Variants in PTPRQ observed in about 807,000 individuals in gnomAD.
PTPRQ encodes phosphatidylinositol phosphatase PTPRQ.
A neutral mutation model predicts 246.0 loss-of-function variants in PTPRQ; 199 were observed. The observed-to-expected ratio is 0.81, with a 90% CI of 0.72 to 0.91. The LOEUF (loss-of-function observed/expected upper bound fraction) is 0.91. PTPRQ is among the 40% of genes least tolerant of loss of function. The pLI is 0.00. For synonymous variants in PTPRQ, 869 were observed against 853.2 expected, an observed-to-expected ratio of 1.02 and a Z score of -0.32; for missense variants, 2,624 against 2,528.4, an observed-to-expected ratio of 1.04 and a Z score of -0.81.
At chr12:80,582,238 C>CAT (rs1378003948) in intron 25 of PTPRQ, among the ~76,000 whole-genome samples, 3 of 152,078 alleles carry the variant, frequency 2.0e-5, no homozygotes, top group Non-Finnish European at 4.4e-5. Flanking sequence ...ATATCCAAAG[C>CAT]ATATATATAG....
intron 10 of PTPRQ, 21 bp from the exon 11 acceptor site, chr12:80,494,912 C>CT: frequency 6.7e-7 from 1 of 1,498,676 alleles, no homozygotes; most frequent in South Asian, 1.3e-5. Context: ...CTTTTTTTCT[C>CT]TTTTTACTGA....
At chr12:80,625,888 T>G (rs1899184763) in intron 33 of PTPRQ, among the ~76,000 whole-genome samples, 1 of 152,086 alleles carries the variant, frequency 6.6e-6, no homozygotes, top group Non-Finnish European at 1.5e-5. Flanking sequence ...GGCACATCAG[T>G]TTATGGAAAG....
chr12:80,489,915 G>T (rs954970025), intron 9 of PTPRQ, among the ~76,000 whole-genome samples: 3 of 151,854 alleles, frequency 2.0e-5, no homozygotes, highest in Non-Finnish European at 4.4e-5. Flanking sequence ...AGACTTCTGA[G>T]ATTGATATAG....
chr12:80,535,164 A>T, intron 19 of PTPRQ, 127 bp downstream of exon 19: 1 of 912,600 alleles, frequency 1.1e-6, no homozygotes, highest in Non-Finnish European at 1.5e-6. Context: ...ATTTTATAAA[A>T]CTCCCATTGA....
rs552799677 is a variant in PTPRQ, at chr12:80,653,501, T to G, written c.6115+667T>G. Among the ~76,000 whole-genome samples, 4 of 152,332 alleles carry G rather than the reference T, an allele frequency of 2.6e-5. 1 individual carries two copies. The East Asian group carries it at 7.7e-4, about 29-fold the overall frequency. ...TATTCTGATTCAATACATTTTACAC[T>G]ATGAAATTAAAAAGTGACATTGTGA... On this transcript the variant is annotated intron_variant, in intron 38 of 44. Coordinates refer to ENST00000644991, the MANE Select transcript of PTPRQ (RefSeq NM_001145026.2).
rs576851131 is a variant in PTPRQ, at chr12:80,466,082, G to A, written c.911-2628G>A. Among the ~76,000 whole-genome samples the A allele has an allele frequency of 3.3e-5, 5 of 152,256 alleles. No homozygotes were observed. The South Asian group carries it at 1.0e-3, about 32-fold the overall frequency. On this transcript the variant is annotated intron_variant, in intron 6 of 44. Coordinates refer to ENST00000644991, the MANE Select transcript of PTPRQ (RefSeq NM_001145026.2). ...AGTCAAAATGTCCCTGTTTGCAGAC[G>A]ACATGATTGTGTATCTAGAAAACCC... is the stretch of plus-strand genomic sequence containing the variant.
intron 16 of PTPRQ, among the ~76,000 whole-genome samples, chr12:80,507,377 T>C (rs1022573033): frequency 6.6e-6 from 1 of 151,996 alleles, no homozygotes; most frequent in African/African-American, 2.4e-5. Flanking sequence ...GTAAAAGGAA[T>C]TCCTATTTCC....
At chr12:80,639,585 T>C (rs1899781630) in intron 35 of PTPRQ, among the ~76,000 whole-genome samples, 1 of 152,202 alleles carries the variant, frequency 6.6e-6, no homozygotes, top group African/African-American at 2.4e-5. Context: ...GAAGTCTTCT[T>C]CAATAATTTT....
intron 8 of PTPRQ, among the ~76,000 whole-genome samples, chr12:80,474,578 T>C (rs964932436): frequency 1.1e-4 from 16 of 152,332 alleles, no homozygotes; most frequent in Admixed American, 2.0e-4. Context: ...ATATGTCTCT[T>C]AATATTTTGA....
At chr12:80,583,879 T>C (rs1184280294) in intron 25 of PTPRQ, 2 of 152,190 alleles carry the variant, frequency 1.3e-5, no homozygotes, top group African/African-American at 4.8e-5. Context: ...GTCACAGGAT[T>C]GAGAGCCCCT....
chr12:80,619,768 A>G (rs1351494885), intron 31 of PTPRQ, among the ~76,000 whole-genome samples: 1 of 151,404 alleles, frequency 6.6e-6, no homozygotes, highest in East Asian at 1.9e-4. Flanking sequence ...ATTTATACCA[A>G]TTATTTATTC....
intron 39 of PTPRQ, among the ~76,000 whole-genome samples, chr12:80,662,334 C>CT (rs904240307): frequency 2.2e-4 from 33 of 151,940 alleles, no homozygotes; most frequent in Admixed American, 2.0e-3. Context: ...ATTTAAATTA[C>CT]TTTTTTAGCA....
At chr12:80,536,013 A>G (rs918123962) in intron 19 of PTPRQ, among the ~76,000 whole-genome samples, 1 of 152,228 alleles carries the variant, frequency 6.6e-6, no homozygotes, top group Non-Finnish European at 1.5e-5. Context: ...AGGCTGAGGC[A>G]GGAGAATGGC....
In PTPRQ at chr12:80,491,878, AAAGAC is replaced by A. The variant is rs1175950092; in HGVS notation, c.1360-1395_1360-1391del. On this transcript the variant is annotated intron_variant, in intron 9 of 44. Transcript: ENST00000644991. ...AACTCCAAAACATGTAAGATAATTAAAAGACAGATATACCAAAACTTATAAACAAC... is the reference window on the plus strand; with the variant it reads ...AACTCCAAAACATGTAAGATAATTAAAGATATACCAAAACTTATAAACAAC... Among the ~76,000 whole-genome samples the A allele has an allele frequency of 9.2e-5, 14 of 151,900 alleles. No homozygotes were observed. In the Admixed American group the frequency reaches 9.2e-4, roughly 10 times the overall value.
At chr12:80,475,744 T>A (rs982956075) in intron 8 of PTPRQ, among the ~76,000 whole-genome samples, 2 of 152,070 alleles carry the variant, frequency 1.3e-5, no homozygotes, top group Admixed American at 1.3e-4. Context: ...AATCTTTACC[T>A]GGATTGTAAT....
chr12:80,590,666 CAAA>C (rs35640802), intron 26 of PTPRQ, among the ~76,000 whole-genome samples: 3,165 of 57,894 alleles, frequency 0.055, 141 homozygotes, highest in African/African-American at 0.16. Flanking sequence ...GACTCCGTCT[CAAA>C]AAAAAAAAAA....
chr12:80,568,453 T>C (rs1263441443), intron 25 of PTPRQ, among the ~76,000 whole-genome samples: 1 of 152,200 alleles, frequency 6.6e-6, no homozygotes, highest in East Asian at 1.9e-4. Context: ...TGTTTTGCTG[T>C]TTTTTACTTC....
chr12:80,460,339 C>T (rs1356747822), intron 5 of PTPRQ, among the ~76,000 whole-genome samples: 1 of 152,146 alleles, frequency 6.6e-6, no homozygotes, highest in Non-Finnish European at 1.5e-5. Flanking sequence ...TATTTCAGCT[C>T]TTTGGCTCTT....
intron 33 of PTPRQ, 149 bp from the exon 34 acceptor site, chr12:80,632,043 G>A (rs1036534040): frequency 9.0e-7 from 1 of 1,111,388 alleles, no homozygotes; most frequent in East Asian, 2.7e-5. Flanking sequence ...AAAAATCTAG[G>A]AGAAGAGGAA....
Sources: allele counts gnomAD v4.1 joint callset (sites outside exome capture counted in the v4.1 genomes callset), GRCh38; gene constraint gnomAD v4.1.1; transcripts MANE v1.5; gene names NCBI Gene and HGNC (gene_info 2026-07-23, HGNC 2026-07-21).